The following FGF13 variants were observed in gnomAD, a reference collection of about 807,000 sequenced individuals.
FGF13 encodes the protein fibroblast growth factor 13, also known as fibroblast growth factor homologous factor 2.
Under a neutral mutation model 19.5 loss-of-function variants are expected in FGF13, and 2 were observed. The observed-to-expected ratio is 0.10, with a 90% CI of 0.04 to 0.32. The LOEUF is 0.32. Ranked by LOEUF, FGF13 falls within the 10% of genes least tolerant of loss-of-function variation. The pLI is 1.00. For missense variants in FGF13, 113 were observed against 192.7 expected (o/e 0.59, Z 2.45); for synonymous variants, 72 against 76.9 (o/e 0.94, Z 0.33).
chrX:139,018,842 C>A (rs752620846), intron 1 of FGF13, among the ~76,000 whole-genome samples: 1 of 110,248 alleles, frequency 9.1e-6, no homozygotes, highest in Non-Finnish European at 1.9e-5. Context: ...TATAACTCAC[C>A]CTTTAAAGCT....
chrX:138,808,276 G>A (rs2090889274), intron 3 of FGF13, among the ~76,000 whole-genome samples: 1 of 112,069 alleles, frequency 8.9e-6, no homozygotes, highest in Non-Finnish European at 1.9e-5. Flanking sequence ...TAGAATTCAG[G>A]ATTAAGAAAC....
intron 1 of FGF13, among the ~76,000 whole-genome samples, chrX:139,076,415 G>A (rs2083332886): frequency 9.0e-6 from 1 of 111,349 alleles, no homozygotes; most frequent in African/African-American, 3.3e-5. Flanking sequence ...AGAGTATCTG[G>A]TTTTCGCATT....
At chrX:138,945,525 G>T (rs1040004973) in intron 1 of FGF13, among the ~76,000 whole-genome samples, 8 of 111,802 alleles carry the variant, frequency 7.2e-5, no homozygotes, top group African/African-American at 2.6e-4. Flanking sequence ...TAGAAGAAAG[G>T]ATCTACTGCC....
At chrX:139,141,102 TACACAC>T (rs748785543) in intron 1 of FGF13, among the ~76,000 whole-genome samples, 22 of 97,176 alleles carry the variant, frequency 2.3e-4, no homozygotes, top group African/African-American at 5.8e-4. Flanking sequence ...GATAAGAGTG[TACACAC>T]ACACACACAC....
downstream of FGF13, among the ~76,000 whole-genome samples, chrX:138,854,966 G>A (rs1267290581): frequency 3.6e-5 from 4 of 109,739 alleles, no homozygotes; most frequent in Non-Finnish European, 5.7e-5. Context: ...ATGTTTCAAG[G>A]TATAGACATA....
chrX:138,681,847 A>C lies in FGF13; in HGVS notation c.402+21137T>G, dbSNP rs184744681. Among the ~76,000 whole-genome samples the C allele has an allele frequency of 6.3e-5, 7 of 111,919 alleles. No individual in the cohort carries two copies. In the East Asian group the frequency reaches 2.0e-3, roughly 32 times the overall value. On this transcript the variant is annotated intron_variant, in intron 3 of 4. Coordinates refer to ENST00000315930, the MANE Select transcript of FGF13 (RefSeq NM_004114.5). ...GGCCTGTCAGTAGAGCAGTCAGCAC[A>C]CACACAATATTTATCAATTAAGTTT...
intron 1 of FGF13, among the ~76,000 whole-genome samples, chrX:138,891,279 C>T (rs1464075493): frequency 4.5e-5 from 5 of 111,104 alleles, no homozygotes; most frequent in African/African-American, 1.6e-4. Context: ...AGTGGGACTC[C>T]GACTCAAAAA....
intron 1 of FGF13, among the ~76,000 whole-genome samples, chrX:138,914,015 C>T (rs1187556128): frequency 1.8e-5 from 2 of 109,598 alleles, no homozygotes; most frequent in African/African-American, 6.6e-5. Flanking sequence ...TAATTCCTCC[C>T]CTTCCGGGCC....
chrX:138,954,739 C>G (rs960905269), intron 1 of FGF13, among the ~76,000 whole-genome samples: 3 of 111,723 alleles, frequency 2.7e-5, no homozygotes, highest in African/African-American at 9.8e-5. Flanking sequence ...GATCCCTCAA[C>G]GTTCACCCTA....
chrX:138,786,966 A>G (rs550151321), intron 3 of FGF13, among the ~76,000 whole-genome samples: 1 of 112,390 alleles, frequency 8.9e-6, no homozygotes, highest in East Asian at 2.8e-4. Flanking sequence ...GGGAAATCCT[A>G]CATAGTGAAG....
chrX:138,819,444 G>A (rs2090983959), intron 3 of FGF13, among the ~76,000 whole-genome samples: 1 of 111,136 alleles, frequency 9.0e-6, no homozygotes, highest in African/African-American at 3.3e-5. Flanking sequence ...TTATAGAAAT[G>A]GAACTCCCCA....
chrX:138,735,428 A>G (rs540669417), intron 1 of FGF13, among the ~76,000 whole-genome samples: 1 of 111,939 alleles, frequency 8.9e-6, no homozygotes, highest in African/African-American at 3.2e-5. Context: ...GCCAATATTT[A>G]GACATTTCAG....
Position 138,626,661 on chromosome X carries a change from A to G in FGF13, c.*6189T>C, listed in dbSNP as rs1035005878. On this transcript the variant is annotated 3_prime_UTR_variant, in exon 5 of 5. Transcript: ENST00000315930. ...AAGGAACTTTGAAGCTCTCTTTACC[A>G]AAACTTCCCTAAGAACAGCAACATG... 1.3e-4 allele frequency: 15 copies of G among 111,448 alleles called. No individual in the cohort carries two copies. Among genetic ancestry groups the G allele is most frequent in the African/African-American group, 4.9e-4 (15 of 30,630 alleles). 9.2% of individuals were successfully genotyped at this position (111,448 alleles called of 1,213,427 possible).
intron 3 of FGF13, among the ~76,000 whole-genome samples, chrX:138,691,697 T>A (rs1191187985): frequency 8.9e-6 from 1 of 111,993 alleles, no homozygotes; most frequent in African/African-American, 3.2e-5. Flanking sequence ...TTTTGTTATA[T>A]GATATGCCAG....
chrX:139,064,662 C>G (rs925442505), intron 1 of FGF13, among the ~76,000 whole-genome samples: 51 of 111,091 alleles, frequency 4.6e-4, no homozygotes, highest in African/African-American at 1.6e-3. Flanking sequence ...TGGGGTTGCT[C>G]TTCTCAAGGA....
rs2090051988 is a variant in FGF13 at position 138,711,640 on chromosome X, T to C, written c.-637A>G. 1 of 753,538 alleles carries C rather than the reference T, an allele frequency of 1.3e-6. No individual in the cohort carries two copies. The highest frequency in any genetic ancestry group is 1.6e-6 in the Non-Finnish European group (1 of 638,840). The allele number at this position is 753,538 out of a possible 1,213,427, so 62.1% of individuals were successfully genotyped here. A position where few individuals can be genotyped will look rare whatever the true frequency, so the allele number is the denominator to read the frequency against. On this transcript the variant is annotated 5_prime_UTR_variant, in exon 1 of 5. Transcript: ENST00000315930. ...ACAGGTAATGGCCTCGCATCTTCGC[T>C]GTTGCTGCTGCTCTGGGCGCGGCAC... is the stretch of plus-strand genomic sequence containing the variant.
At chrX:138,741,847 G>A (rs2090320781), upstream of FGF13, among the ~76,000 whole-genome samples, 2 of 111,685 alleles carry the variant, frequency 1.8e-5, no homozygotes, top group South Asian at 3.8e-4. Flanking sequence ...TTTCAATAAC[G>A]TCATCATTTA....
intron 3 of FGF13, among the ~76,000 whole-genome samples, chrX:138,771,658 G>A (rs972712918): frequency 9.1e-6 from 1 of 110,204 alleles, no homozygotes; most frequent in Non-Finnish European, 1.9e-5. Flanking sequence ...ACATGAGAAC[G>A]CTCTCCGGTC....
intron 1 of FGF13, among the ~76,000 whole-genome samples, chrX:139,157,727 G>C (rs762555220): frequency 8.8e-6 from 1 of 113,217 alleles, no homozygotes; most frequent in African/African-American, 3.2e-5. Context: ...AAGTGGTGTT[G>C]TTGCCACAAC....
Sources: allele counts gnomAD v4.1 joint callset (sites outside exome capture counted in the v4.1 genomes callset), GRCh38; gene constraint gnomAD v4.1.1; transcripts MANE v1.5; gene names NCBI Gene and HGNC (gene_info 2026-07-23, HGNC 2026-07-21).